The following FRMD3 variants were observed in gnomAD, a reference collection of about 807,000 sequenced individuals.
The protein encoded by FRMD3 is FERM domain containing 3.
In FRMD3, 33 loss-of-function variants were observed where a neutral mutation model predicts 70.2. The observed-to-expected ratio is 0.47, with a 90% CI of 0.36 to 0.63. FRMD3 has a LOEUF of 0.63. Among genes scored for constraint, FRMD3 ranks in the 20% least tolerant of loss-of-function variants. FRMD3 has a pLI of 0.00. For synonymous variants in FRMD3, 279 were observed against 255.9 expected (o/e 1.09, Z -0.86); for missense variants, 632 against 711.4 (o/e 0.89, Z 1.27).
intron 1 of FRMD3, among the ~76,000 whole-genome samples, chr9:83,473,359 G>A (rs1828315930): frequency 6.6e-6 from 1 of 152,120 alleles, no homozygotes; most frequent in Admixed American, 6.6e-5. Flanking sequence ...CATGACTCCG[G>A]TCCAGTCCTC....
chr9:83,373,848 A>C (rs912021614), intron 2 of FRMD3, among the ~76,000 whole-genome samples: 1 of 152,172 alleles, frequency 6.6e-6, no homozygotes, highest in Non-Finnish European at 1.5e-5. Flanking sequence ...CGGAGAGGAA[A>C]TCAGAAGAGC....
chr9:83,300,180 A>G (rs963389792), intron 10 of FRMD3, among the ~76,000 whole-genome samples: 2 of 152,326 alleles, frequency 1.3e-5, no homozygotes, highest in Admixed American at 1.3e-4. Context: ...TTATTCACTC[A>G]GCAATCATTA....
intron 6 of FRMD3, among the ~76,000 whole-genome samples, chr9:83,315,537 T>G (rs1321961862): frequency 1.3e-5 from 2 of 152,118 alleles, no homozygotes; most frequent in Non-Finnish European, 2.9e-5. Context: ...GATCTGGTTG[T>G]TTACAAGTGT....
At chr9:83,401,392 CA>C (rs1229097928) in intron 1 of FRMD3, among the ~76,000 whole-genome samples, 1 of 152,136 alleles carries the variant, frequency 6.6e-6, no homozygotes, top group Non-Finnish European at 1.5e-5. Context: ...TAATCTTATC[CA>C]AACTCTTCAT....
At chr9:83,404,127 T>C (rs1265325925) in intron 1 of FRMD3, among the ~76,000 whole-genome samples, 2 of 151,956 alleles carry the variant, frequency 1.3e-5, no homozygotes, top group African/African-American at 4.8e-5. Context: ...TTGTCACAAA[T>C]ATTTAAAGAC....
rs535369806 is a variant in FRMD3 at position 83,408,033 on chromosome 9, C to T, written c.148-18325G>A. ...CCAGACTTCTCCATCAGCAGCCAGC[C>T]TCCTGCAAGATGAGCATTCCCAAAG... is the stretch of plus-strand genomic sequence containing the variant. On this transcript the variant is annotated intron_variant, in intron 1 of 13. Transcript: ENST00000304195. 7.2e-5 allele frequency among the ~76,000 whole-genome samples: 11 copies of T among 152,150 alleles called. No individual in the cohort carries two copies. In the South Asian group the frequency reaches 2.3e-3, roughly 32 times the overall value.
chr9:83,358,264 T>C (rs1323764835), intron 3 of FRMD3, among the ~76,000 whole-genome samples: 2 of 152,192 alleles, frequency 1.3e-5, no homozygotes, highest in Non-Finnish European at 2.9e-5. Flanking sequence ...TATTTCTTGG[T>C]TTTCTATTCT....
intron 1 of FRMD3, among the ~76,000 whole-genome samples, chr9:83,416,745 G>GTCTCTC (rs1184226415): frequency 0.065 from 6,672 of 102,072 alleles, 722 homozygotes; most frequent in East Asian, 0.078. Flanking sequence ...ATTTCTCTCT[G>GTCTCTC]TCTCTCTCTC....
intron 1 of FRMD3, among the ~76,000 whole-genome samples, chr9:83,477,173 C>T (rs1044112230): frequency 4.6e-5 from 7 of 152,314 alleles, no homozygotes; most frequent in African/African-American, 1.7e-4. Context: ...TACATTACAA[C>T]CCATAGATGT....
At chr9:83,552,549 A>G in the FRMD3 span, among the ~76,000 whole-genome samples, 10 of 152,026 alleles carry the variant, frequency 6.6e-5, no homozygotes, top group African/African-American at 2.2e-4. Flanking sequence ...GCCTCAATCT[A>G]ATACTGTCAG....
chr9:83,372,837 G>T, intron 3 of FRMD3, 76 bp downstream of exon 3: 3 of 1,315,166 alleles, frequency 2.3e-6, no homozygotes, highest in Non-Finnish European at 3.3e-6. Context: ...TCCCCTGGCA[G>T]GAGAAAGTTT....
chr9:83,404,067 C>T (rs1291339637), intron 1 of FRMD3, among the ~76,000 whole-genome samples: 2 of 109,026 alleles, frequency 1.8e-5, no homozygotes, highest in African/African-American at 4.3e-5. Flanking sequence ...TGCATACACA[C>T]GCACACACAC....
At chr9:83,556,100 A>G in the FRMD3 span, among the ~76,000 whole-genome samples, 1 of 152,098 alleles carries the variant, frequency 6.6e-6, no homozygotes, top group Admixed American at 6.6e-5. Flanking sequence ...CCTTTCCATG[A>G]CAGCCACACA....
At chr9:83,412,987 C>T (rs1015053463) in intron 1 of FRMD3, among the ~76,000 whole-genome samples, 3 of 150,640 alleles carry the variant, frequency 2.0e-5, no homozygotes, top group Admixed American at 2.0e-4. Flanking sequence ...GAGTGAGACT[C>T]TGTCAAAAAA....
chr9:83,331,224 G>A (rs1388513864), intron 6 of FRMD3, among the ~76,000 whole-genome samples: 1 of 152,146 alleles, frequency 6.6e-6, no homozygotes, highest in Non-Finnish European at 1.5e-5. Flanking sequence ...GCAGGTAAAT[G>A]GATAAATTAT....
chr9:83,272,830 C>T (rs1245170066), intron 13 of FRMD3, among the ~76,000 whole-genome samples: 3 of 151,330 alleles, frequency 2.0e-5, no homozygotes, highest in Non-Finnish European at 3.0e-5. Context: ...TGCCCGGCCA[C>T]GACCCCATCT....
chr9:83,309,296 AC>A (rs1835261096), intron 10 of FRMD3, among the ~76,000 whole-genome samples: 1 of 151,708 alleles, frequency 6.6e-6, no homozygotes, highest in African/African-American at 2.4e-5. Context: ...ACACACACAC[AC>A]ACACACAGTG....
At chr9:83,323,812 T>C (rs1835905435) in intron 6 of FRMD3, among the ~76,000 whole-genome samples, 1 of 152,240 alleles carries the variant, frequency 6.6e-6, no homozygotes, top group Non-Finnish European at 1.5e-5. Flanking sequence ...GCAAAACTAA[T>C]GTGTTAAAAG....
rs539396863 is a variant in FRMD3, at chr9:83,489,015, T to TGTGTGTGTGC, written c.147+49069_147+49070insGCACACACAC. On this transcript the variant is annotated intron_variant, in intron 1 of 13. Transcript: ENST00000304195. ...GTGTGTGTGTGTGTGTGTGTGTGTGTGCTTGTGTGTGCGCACCTACACATG... is the reference window on the plus strand; with the variant it reads ...GTGTGTGTGTGTGTGTGTGTGTGTGTGTGTGTGTGCGCTTGTGTGTGCGCACCTACACATG... Among the ~76,000 whole-genome samples the TGTGTGTGTGC allele has an allele frequency of 6.6e-3, 868 of 131,602 alleles. 3 individuals carry two copies. The highest frequency in any genetic ancestry group is 9.5e-3 in the Non-Finnish European group (601 of 63,206). The allele number at this position is 131,602 out of a possible 152,430, so 86.3% of individuals were successfully genotyped here.
Sources: gnomAD v4.1 joint callset for allele counts (sites outside exome capture counted in the v4.1 genomes callset) on GRCh38, gnomAD v4.1.1 for gene constraint, MANE v1.5 for transcripts, NCBI Gene and HGNC (gene_info 2026-07-23, HGNC 2026-07-21) for gene names.